Variants in SDCCAG8 observed in about 807,000 individuals in gnomAD.
The protein encoded by SDCCAG8 is serologically defined colon cancer antigen 8.
Under a neutral mutation model 101.8 loss-of-function variants are expected in SDCCAG8, and 74 were observed. The ratio of observed to expected loss-of-function variants is 0.73; its 90% CI spans 0.60 to 0.88. SDCCAG8 has a LOEUF of 0.88. Ranked by LOEUF, SDCCAG8 falls within the 40% of genes least tolerant of loss-of-function variation. SDCCAG8 has a pLI of 0.00. For missense variants in SDCCAG8, 787 were observed against 822.6 expected (o/e 0.96, Z 0.53); for synonymous variants, 281 against 292.9 (o/e 0.96, Z 0.41).
intron 13 of SDCCAG8, among the ~76,000 whole-genome samples, chr1:243,403,900 A>G (rs1206324282): frequency 1.3e-5 from 2 of 152,232 alleles, no homozygotes; most frequent in South Asian, 4.1e-4. Flanking sequence ...AATGCAGTCG[A>G]ATCATCCCCA....
intron 16 of SDCCAG8, among the ~76,000 whole-genome samples, chr1:243,434,877 G>T (rs956208124): frequency 3.9e-5 from 6 of 152,120 alleles, no homozygotes; most frequent in Non-Finnish European, 7.4e-5. Context: ...CCTTAGCTGG[G>T]ACAAGGCAGC....
intron 11 of SDCCAG8, 49 bp from the exon 12 acceptor site, chr1:243,344,166 G>A: frequency 6.8e-7 from 1 of 1,467,726 alleles, no homozygotes; most frequent in African/African-American, 1.4e-5. Context: ...TGCAGGCATT[G>A]CCTGGTAGAT....
At position 243,271,075 on chromosome 1, in the gene SDCCAG8, C is replaced by T; in HGVS notation, c.306+12C>T. ...AAATGTCCCCCTTGGTAAGTATCAACTTTTCCAAGTTGACAAAGCATTCCT... is the reference window on the plus strand; with the variant it reads ...AAATGTCCCCCTTGGTAAGTATCAATTTTTCCAAGTTGACAAAGCATTCCT... On this transcript the variant is annotated intron_variant, in intron 3 of 17. Coordinates refer to ENST00000366541, the MANE Select transcript of SDCCAG8 (RefSeq NM_006642.5). The T allele has an allele frequency of 6.4e-7, 1 of 1,566,046 alleles. No homozygotes were observed. The highest frequency in any genetic ancestry group is 8.8e-7 in the Non-Finnish European group (1 of 1,136,258).
At chr1:243,332,714 G>GTCTGGAGGTGATTTTCGCGGTCCAGT (rs2074707311) in intron 10 of SDCCAG8, among the ~76,000 whole-genome samples, 1 of 151,654 alleles carries the variant, frequency 6.6e-6, no homozygotes, top group African/African-American at 2.4e-5. Flanking sequence ...CGCGGTCCAG[G>GTCTGGAGGTGATTTTCGCGGTCCAGT]TCTGGAGGTG....
chr1:243,466,056 G>A (rs1476187853), intron 16 of SDCCAG8, among the ~76,000 whole-genome samples: 1 of 152,142 alleles, frequency 6.6e-6, no homozygotes, highest in African/African-American at 2.4e-5. Flanking sequence ...TTTGGTAAAA[G>A]CGTTGAAATA....
intron 16 of SDCCAG8, among the ~76,000 whole-genome samples, chr1:243,436,016 A>G (rs992692440): frequency 1.4e-4 from 22 of 152,138 alleles, no homozygotes; most frequent in Non-Finnish European, 2.2e-4. Context: ...GTTACAATTG[A>G]TAAGCCTTCA....
At chr1:243,435,124 C>G (rs2082050325) in intron 16 of SDCCAG8, among the ~76,000 whole-genome samples, 1 of 152,214 alleles carries the variant, frequency 6.6e-6, no homozygotes. Flanking sequence ...ATGGAACTTA[C>G]ATGCTTTAAG....
rs573533224 is a variant in SDCCAG8 at position 243,334,618 on chromosome 1, G to A, written c.1221+3926G>A. 2.0e-5 allele frequency among the ~76,000 whole-genome samples: 3 copies of A among 152,162 alleles called. No homozygotes were observed. In the South Asian group the frequency reaches 6.2e-4, roughly 32 times the overall value. ...TTTGTTTGTTTGTATTTGAGACAGGGTCTCACTCTGTCACCCAGGCTGGAG... is the reference window on the plus strand; with the variant it reads ...TTTGTTTGTTTGTATTTGAGACAGGATCTCACTCTGTCACCCAGGCTGGAG... On this transcript the variant is annotated intron_variant, in intron 10 of 17. Coordinates refer to ENST00000366541, the MANE Select transcript of SDCCAG8 (RefSeq NM_006642.5).
intron 7 of SDCCAG8, chr1:243,305,405 AT>A (rs963251559): frequency 4.7e-4 from 72 of 152,248 alleles, no homozygotes; most frequent in African/African-American, 1.7e-3. Context: ...TAGTTTTCAA[AT>A]TATTAGTATT....
intron 13 of SDCCAG8, among the ~76,000 whole-genome samples, chr1:243,403,115 C>T (rs548984274): frequency 2.6e-5 from 4 of 152,166 alleles, no homozygotes; most frequent in Non-Finnish European, 4.4e-5. Flanking sequence ...CTGGGCTGGA[C>T]GTTGCCGGTT....
intron 1 of SDCCAG8, among the ~76,000 whole-genome samples, chr1:243,266,776 CA>C (rs566670758): frequency 4.4e-4 from 49 of 110,956 alleles, no homozygotes; most frequent in African/African-American, 9.5e-4. Flanking sequence ...ATTATAAATA[CA>C]AAAAAAAAAA....
chr1:243,370,637 T>C lies in SDCCAG8; in HGVS notation c.1474-8084T>C, dbSNP rs146372096. On this transcript the variant is annotated intron_variant, in intron 12 of 17. Transcript: ENST00000366541. ...CAGATGTCTGAAATTCTTCTCTTCTTTAGACACATACTTTTAGAAAGGCAC... is the reference window on the plus strand; with the variant it reads ...CAGATGTCTGAAATTCTTCTCTTCTCTAGACACATACTTTTAGAAAGGCAC... 3.3e-5 allele frequency among the ~76,000 whole-genome samples: 5 copies of C among 152,222 alleles called. No homozygotes were observed. In the East Asian group the frequency reaches 9.7e-4, roughly 29 times the overall value.
rs2079953110 is a variant in SDCCAG8, at chr1:243,408,616, T to C, written c.1617-7086T>C. Reference sequence around the variant, plus strand: ...TATCCTTTCAACCTTCTCTCATTTCTCTACATCCCTGATAAAAGAAGAGAC... The same window carrying C: ...TATCCTTTCAACCTTCTCTCATTTCCCTACATCCCTGATAAAAGAAGAGAC... On this transcript the variant is annotated intron_variant, in intron 13 of 17. Coordinates refer to ENST00000366541, the MANE Select transcript of SDCCAG8 (RefSeq NM_006642.5). Among the ~76,000 whole-genome samples the C allele has an allele frequency of 3.3e-5, 5 of 152,190 alleles. No homozygotes were observed. The South Asian group carries it at 8.3e-4, about 25-fold the overall frequency.
intron 9 of SDCCAG8, among the ~76,000 whole-genome samples, chr1:243,322,618 G>T (rs1048098129): frequency 6.6e-6 from 1 of 152,052 alleles, no homozygotes; most frequent in Non-Finnish European, 1.5e-5. Flanking sequence ...AGCATCTTGC[G>T]TAGATCTCAA....
At chr1:243,484,668 C>G (rs1202674030) in intron 16 of SDCCAG8, among the ~76,000 whole-genome samples, 1 of 152,186 alleles carries the variant, frequency 6.6e-6, no homozygotes, top group Non-Finnish European at 1.5e-5. Flanking sequence ...GTGAGTCTCT[C>G]CTCCATTGGC....
intron 13 of SDCCAG8, 99 bp from the exon 14 acceptor site, chr1:243,415,603 A>G: frequency 6.5e-7 from 1 of 1,542,468 alleles, no homozygotes; most frequent in Non-Finnish European, 9.0e-7. Context: ...TATGCTTAAC[A>G]ATTTACTACG....
chr1:243,329,234 C>T (rs965008100), intron 9 of SDCCAG8, among the ~76,000 whole-genome samples: 1 of 152,116 alleles, frequency 6.6e-6, no homozygotes, highest in African/African-American at 2.4e-5. Flanking sequence ...AGAAGAATCA[C>T]TTTTTACTCA....
chr1:243,256,136 C>A lies in SDCCAG8; in HGVS notation c.-38C>A. The A allele has an allele frequency of 6.3e-7, 1 of 1,591,566 alleles. No individual in the cohort carries two copies. The highest frequency in any genetic ancestry group is 8.6e-7 in the Non-Finnish European group (1 of 1,159,422). On this transcript the variant is annotated 5_prime_UTR_variant, in exon 1 of 18. Transcript: ENST00000366541. ...TCGGAAGGGAGAAAGCTGGACATTT[C>A]CCCACGTAACTCCCAGCTCTGGGCC... is the stretch of plus-strand genomic sequence containing the variant.
chr1:243,419,208 G>T (rs954295885), intron 15 of SDCCAG8, among the ~76,000 whole-genome samples: 1 of 152,050 alleles, frequency 6.6e-6, no homozygotes, highest in Non-Finnish European at 1.5e-5. Context: ...ACTCTGACAT[G>T]CGCACCTTCC....
Sources: gnomAD v4.1 joint callset for allele counts (sites outside exome capture counted in the v4.1 genomes callset) on GRCh38, gnomAD v4.1.1 for gene constraint, MANE v1.5 for transcripts, NCBI Gene and HGNC (gene_info 2026-07-23, HGNC 2026-07-21) for gene names.